Variants in MACROD2 observed in about 807,000 individuals in gnomAD.
The protein encoded by MACROD2 is ADP-ribose glycohydrolase MACROD2.
In MACROD2, 36 loss-of-function variants were observed where a neutral mutation model predicts 70.4. The ratio of observed to expected loss-of-function variants is 0.51; its 90% CI spans 0.39 to 0.68. MACROD2 has a LOEUF of 0.68. Among genes scored for constraint, MACROD2 ranks in the 30% least tolerant of loss-of-function variants. MACROD2 has a pLI of 0.00. For missense variants in MACROD2, 496 were observed against 538.4 expected, an observed-to-expected ratio of 0.92 and a Z score of 0.78; for synonymous variants, 172 against 178.8, an observed-to-expected ratio of 0.96 and a Z score of 0.30.
chr20:14,935,165 C>T (rs949697499), intron 5 of MACROD2: 2 of 151,798 alleles, frequency 1.3e-5, no homozygotes, highest in African/African-American at 4.8e-5. Context: ...GCACACCTTC[C>T]TTCAGAACAA....
At chr20:15,093,096 T>A (rs2075804065) in intron 5 of MACROD2, among the ~76,000 whole-genome samples, 1 of 152,216 alleles carries the variant, frequency 6.6e-6, no homozygotes. Flanking sequence ...CCATGCCACA[T>A]AAATGACACT....
chr20:14,135,914 T>C (rs2054789527), intron 3 of MACROD2, among the ~76,000 whole-genome samples: 1 of 152,206 alleles, frequency 6.6e-6, no homozygotes, highest in African/African-American at 2.4e-5. Flanking sequence ...GAATGCTTTC[T>C]CCCTTAGATT....
At chr20:15,273,928 A>G (rs1339201709) in intron 6 of MACROD2, among the ~76,000 whole-genome samples, 2 of 152,182 alleles carry the variant, frequency 1.3e-5, no homozygotes, top group Non-Finnish European at 2.9e-5. Context: ...AGGATTGAAG[A>G]TAGTATATAC....
intron 9 of MACROD2, among the ~76,000 whole-genome samples, chr20:15,869,236 T>TAGAGAGAGAGAG (rs1423223643): frequency 1.2e-3 from 39 of 33,456 alleles, no homozygotes; most frequent in South Asian, 3.7e-3. Flanking sequence ...TATATATATA[T>TAGAGAGAGAGAG]ATAGAGAGAG....
At chr20:15,184,179 G>T (rs1415341484) in intron 5 of MACROD2, among the ~76,000 whole-genome samples, 4 of 152,194 alleles carry the variant, frequency 2.6e-5, no homozygotes, top group Admixed American at 6.5e-5. Flanking sequence ...ACATCCAAAG[G>T]AATAGATTGG....
At chr20:15,708,168 C>T (rs1174588499) in intron 8 of MACROD2, among the ~76,000 whole-genome samples, 1 of 152,056 alleles carries the variant, frequency 6.6e-6, no homozygotes, top group East Asian at 1.9e-4. Context: ...CATCAAAATA[C>T]ATGTTGAGAC....
At chr20:14,180,284 A>T (rs2081295595) in intron 3 of MACROD2, among the ~76,000 whole-genome samples, 1 of 151,980 alleles carries the variant, frequency 6.6e-6, no homozygotes, top group South Asian at 2.1e-4. Context: ...GAAACATATG[A>T]CCCCCACAGG....
At chr20:15,084,059 G>GTTTTTTTTTTTTTTTT (rs5840650) in intron 5 of MACROD2, among the ~76,000 whole-genome samples, 2 of 110,552 alleles carry the variant, frequency 1.8e-5, no homozygotes, top group African/African-American at 9.1e-5. Context: ...GCAACACTAG[G>GTTTTTTTTTTTTTTTT]TTTTTTTTTT....
At chr20:14,174,669 T>G (rs1372494952) in intron 3 of MACROD2, among the ~76,000 whole-genome samples, 1 of 152,152 alleles carries the variant, frequency 6.6e-6, no homozygotes, top group Non-Finnish European at 1.5e-5. Flanking sequence ...ATACACGTGA[T>G]TTGCCCCCTT....
chr20:15,551,835 C>T (rs1050022768), intron 8 of MACROD2, among the ~76,000 whole-genome samples: 1 of 144,622 alleles, frequency 6.9e-6, no homozygotes, highest in Non-Finnish European at 1.5e-5. Flanking sequence ...CATCCCTGCA[C>T]TCCAGCCTGG....
At chr20:14,319,532 C>T (rs1348895210) in intron 3 of MACROD2, among the ~76,000 whole-genome samples, 1 of 152,062 alleles carries the variant, frequency 6.6e-6, no homozygotes. Flanking sequence ...AAAGAGTAGT[C>T]TTAATCATTG....
chr20:15,038,267 T>G (rs893008024), intron 5 of MACROD2, among the ~76,000 whole-genome samples: 1 of 152,210 alleles, frequency 6.6e-6, no homozygotes, highest in African/African-American at 2.4e-5. Flanking sequence ...TGGATAATTT[T>G]TACTTCAAAA....
chr20:14,308,983 T>C (rs954587957), intron 3 of MACROD2, among the ~76,000 whole-genome samples: 3 of 152,192 alleles, frequency 2.0e-5, no homozygotes, highest in African/African-American at 7.2e-5. Context: ...CATATGCATA[T>C]GCCACCCTTC....
chr20:15,832,711 G>A (rs1406789055), intron 8 of MACROD2, among the ~76,000 whole-genome samples: 1 of 152,244 alleles, frequency 6.6e-6, no homozygotes, highest in Non-Finnish European at 1.5e-5. Flanking sequence ...ACAGGGCATG[G>A]AGCCGAGGGT....
At chr20:15,620,307 G>A (rs1226588395) in intron 8 of MACROD2, among the ~76,000 whole-genome samples, 1 of 152,176 alleles carries the variant, frequency 6.6e-6, no homozygotes, top group Non-Finnish European at 1.5e-5. Context: ...TTGTTATAAT[G>A]AGTCTCAGGG....
chr20:15,694,849 A>T (rs1270703850), intron 8 of MACROD2, among the ~76,000 whole-genome samples: 3 of 152,150 alleles, frequency 2.0e-5, no homozygotes, highest in Non-Finnish European at 2.9e-5. Flanking sequence ...TTATAGTTTC[A>T]GGTCTTAGGT....
chr20:15,831,965 C>A (rs879870504), intron 8 of MACROD2, among the ~76,000 whole-genome samples: 2 of 152,162 alleles, frequency 1.3e-5, no homozygotes, highest in Non-Finnish European at 2.9e-5. Context: ...AAATGTCACA[C>A]CGCTATCTCA....
intron 5 of MACROD2, among the ~76,000 whole-genome samples, chr20:15,151,312 G>C (rs1242927044): frequency 6.6e-6 from 1 of 152,102 alleles, no homozygotes; most frequent in Non-Finnish European, 1.5e-5. Flanking sequence ...TGGGGGAGGA[G>C]GTTCTGGAGG....
intron 8 of MACROD2, among the ~76,000 whole-genome samples, chr20:15,708,431 G>A (rs2050570191): frequency 6.6e-6 from 1 of 152,120 alleles, no homozygotes; most frequent in South Asian, 2.1e-4. Context: ...AATTAGCCAT[G>A]CAGGTAGGGG....
Sources: allele counts gnomAD v4.1 joint callset (sites outside exome capture counted in the v4.1 genomes callset), GRCh38; gene constraint gnomAD v4.1.1; transcripts MANE v1.5; gene names NCBI Gene and HGNC (gene_info 2026-07-23, HGNC 2026-07-21).